Variants in LRRC37A observed in about 807,000 individuals in gnomAD.
The protein encoded by LRRC37A is leucine rich repeat containing 37A, also known as leucine-rich repeat-containing protein 37A.
LRRC37A carries 3 observed loss-of-function variants against 35.4 expected under a neutral mutation model. The ratio of observed to expected loss-of-function variants is 0.08; its 90% CI spans 0.04 to 0.22. The LOEUF (loss-of-function observed/expected upper bound fraction) is 0.22, where lower values mean the gene tolerates loss of function less well. LRRC37A is among the 10% of genes least tolerant of loss of function. The pLI is 1.00. For synonymous variants in LRRC37A, 23 were observed against 215.0 expected (o/e 0.11, Z 7.81); for missense variants, 67 against 565.3 (o/e 0.12, Z 8.94).
chr17:46,267,167 C>T, the LRRC37A span: 6 of 565,630 alleles, frequency 1.1e-5, no homozygotes, highest in Non-Finnish European at 1.8e-5. Flanking sequence ...GCCCGGCCGC[C>T]GCGCCGCCGC....
chr17:46,253,276 C>G, the LRRC37A span, among the ~76,000 whole-genome samples: 2 of 149,850 alleles, frequency 1.3e-5, no homozygotes, highest in African/African-American at 4.9e-5. Context: ...GGATGGCGGC[C>G]GGGCAGAGAC....
chr17:46,258,102 C>T, the LRRC37A span, among the ~76,000 whole-genome samples: 1 of 152,166 alleles, frequency 6.6e-6, no homozygotes, highest in African/African-American at 2.4e-5. Context: ...CTGGACTTCT[C>T]CATAGACTGC....
At chr17:46,276,865 A>G in the LRRC37A span, among the ~76,000 whole-genome samples, 21,658 of 147,270 alleles carry the variant, frequency 0.15, 1,920 homozygotes, top group Middle Eastern at 0.22. Context: ...GTGCAGTGGC[A>G]CAATCATGGC....
the LRRC37A span, among the ~76,000 whole-genome samples, chr17:46,265,390 C>G: frequency 9.0e-6 from 1 of 111,650 alleles, no homozygotes; most frequent in Non-Finnish European, 2.4e-5. Context: ...TTTTCTCTTC[C>G]TTCTCCTCCT....
chr17:46,252,309 A>T, the LRRC37A span, among the ~76,000 whole-genome samples: 14 of 149,808 alleles, frequency 9.3e-5, no homozygotes, highest in African/African-American at 2.9e-4. Flanking sequence ...GGCTTAAGTG[A>T]TTCTCCCACC....
rs746787835 is a variant in LRRC37A at position 46,331,113 on chromosome 17, T to G, written c.3836T>G (p.Ile1279Ser). Residue 1279 changes from isoleucine (I) to serine (S), a missense_variant, in exon 9 of 14, where the codon ATT (isoleucine) becomes AGT (serine). Ile to Ser is a moderately radical substitution (Grantham distance 142, BLOSUM62 -2). Transcript: ENST00000320254. ...AGATCGAAAGACTTAACCCACGCTA[T>G]TTCCATTTTAGAAAGTGCAAAGGCT... 4 of 722,620 alleles carry G rather than the reference T, an allele frequency of 5.5e-6. 1 individual carries two copies. In the East Asian group the frequency reaches 1.0e-4, roughly 19 times the overall value. The allele number at this position is 722,620 out of a possible 1,614,324, so 44.8% of individuals were successfully genotyped here.
chr17:46,278,596 G>T, the LRRC37A span, among the ~76,000 whole-genome samples: 7 of 151,474 alleles, frequency 4.6e-5, no homozygotes, highest in African/African-American at 1.7e-4. Context: ...TAGAGATGAG[G>T]TTTCACCATC....
At chr17:46,259,019 ATTTT>A in the LRRC37A span, among the ~76,000 whole-genome samples, 148 of 79,420 alleles carry the variant, frequency 1.9e-3, no homozygotes, top group Admixed American at 2.9e-3. Flanking sequence ...CACCCGGCCT[ATTTT>A]TTTTTTTTTT....
At chr17:46,280,615 C>T in the LRRC37A span, among the ~76,000 whole-genome samples, 2 of 137,208 alleles carry the variant, frequency 1.5e-5, no homozygotes, top group Non-Finnish European at 3.1e-5. Context: ...ACTCTGACAC[C>T]CAGGCTGGAG....
the LRRC37A span, among the ~76,000 whole-genome samples, chr17:46,259,285 T>C: frequency 0.26 from 36,930 of 143,492 alleles, 5,185 homozygotes; most frequent in Middle Eastern, 0.46. Context: ...GGGGGTGGGA[T>C]AAGGAATGGC....
upstream of LRRC37A, among the ~76,000 whole-genome samples, chr17:46,289,265 C>G (rs1373247453): frequency 6.6e-6 from 1 of 152,208 alleles, no homozygotes; most frequent in Non-Finnish European, 1.5e-5. Context: ...TTGCTATAGC[C>G]TTGACCTGCC....
chr17:46,253,157 G>C, the LRRC37A span, among the ~76,000 whole-genome samples: 11 of 148,144 alleles, frequency 7.4e-5, no homozygotes, highest in Admixed American at 5.5e-4. Flanking sequence ...ATGGGGTCAC[G>C]GCCGGGCAGA....
Position 46,309,302 on chromosome 17 carries a change from A to G in LRRC37A, c.2906+2993A>G, listed in dbSNP as rs1171706686. On this transcript the variant is annotated intron_variant, in intron 5 of 13. Transcript: ENST00000320254. Reference sequence around the variant, plus strand: ...GGGGCAATAATCATATCTCTTACAGATGAAATCATGAATGAAATGGTTTAT... The same window carrying G: ...GGGGCAATAATCATATCTCTTACAGGTGAAATCATGAATGAAATGGTTTAT... Among the ~76,000 whole-genome samples the G allele has an allele frequency of 2.8e-3, 64 of 22,490 alleles. 5 individuals carry two copies. The highest frequency in any genetic ancestry group is 6.3e-3 in the African/African-American group (61 of 9,652). 14.8% of individuals were successfully genotyped at this position (22,490 alleles called of 152,430 possible).
chr17:46,293,522 A>G (rs1598090867), upstream of LRRC37A: 3 of 346,678 alleles, frequency 8.7e-6, 1 homozygote, highest in Non-Finnish European at 1.1e-5. Context: ...CAAGCAATGC[A>G]TGACTGCATA....
chr17:46,284,309 A>C, the LRRC37A span, among the ~76,000 whole-genome samples: 1 of 152,252 alleles, frequency 6.6e-6, no homozygotes, highest in Admixed American at 6.5e-5. Flanking sequence ...GTCCCTGGGC[A>C]CTTGACATTA....
At chr17:46,259,910 G>A in the LRRC37A span, 104,381 of 1,488,042 alleles carry the variant, frequency 0.07, 8,251 homozygotes, top group East Asian at 0.31. Flanking sequence ...TGTGGGGACC[G>A]CAAGGAGGGA....
the LRRC37A span, among the ~76,000 whole-genome samples, chr17:46,277,653 C>CTTTCTT: frequency 7.3e-6 from 1 of 137,906 alleles, no homozygotes; most frequent in Non-Finnish European, 1.6e-5. Context: ...TTCTTTCTTT[C>CTTTCTT]TTTTTTTTTT....
At chr17:46,248,368 G>A in the LRRC37A span, among the ~76,000 whole-genome samples, 462 of 147,150 alleles carry the variant, frequency 3.1e-3, 2 homozygotes, top group African/African-American at 0.012. Flanking sequence ...GCCTCAAAAA[G>A]GTCCCTCGTG....
chr17:46,259,029 T>TA, the LRRC37A span, among the ~76,000 whole-genome samples: 1 of 87,424 alleles, frequency 1.1e-5, no homozygotes, highest in South Asian at 3.6e-4. Context: ...ATTTTTTTTT[T>TA]TTTTTTTTTT....
Sources: allele counts gnomAD v4.1 joint callset (sites outside exome capture counted in the v4.1 genomes callset), GRCh38; gene constraint gnomAD v4.1.1; transcripts MANE v1.5; gene names NCBI Gene and HGNC (gene_info 2026-07-23, HGNC 2026-07-21).